The following RABGAP1L variants were observed in gnomAD, a reference collection of about 807,000 sequenced individuals.
The protein encoded by RABGAP1L is RAB GTPase activating protein 1 like.
RABGAP1L carries 63 observed loss-of-function variants against 137.7 expected under a neutral mutation model. That is an observed-to-expected ratio of 0.46 (90% CI 0.37 to 0.56). RABGAP1L has a LOEUF of 0.56. Among genes scored for constraint, RABGAP1L ranks in the 20% least tolerant of loss-of-function variants. The pLI is 0.00. For missense variants in RABGAP1L, 1,095 were observed against 1,244.0 expected (o/e 0.88, Z 1.80); for synonymous variants, 431 against 433.7 (o/e 0.99, Z 0.08).
chr1:174,345,277 T>C (rs888871292), intron 11 of RABGAP1L, among the ~76,000 whole-genome samples: 5 of 152,188 alleles, frequency 3.3e-5, no homozygotes, highest in Non-Finnish European at 7.4e-5. Flanking sequence ...TCTGAGTCTT[T>C]TGTGATTCCA....
intron 18 of RABGAP1L, among the ~76,000 whole-genome samples, chr1:174,758,921 TCTC>T (rs1433635884): frequency 3.3e-5 from 5 of 152,278 alleles, no homozygotes; most frequent in Admixed American, 3.3e-4. Context: ...TTAACTCTCT[TCTC>T]AATATCCCAT....
At chr1:174,625,048 T>A (rs1314087707) in intron 13 of RABGAP1L, among the ~76,000 whole-genome samples, 4 of 151,824 alleles carry the variant, frequency 2.6e-5, no homozygotes, top group African/African-American at 9.7e-5. Context: ...ATTTTTGTAT[T>A]TTTTTAGTAG....
At chr1:174,359,384 A>T (rs540449672) in intron 11 of RABGAP1L, among the ~76,000 whole-genome samples, 2 of 151,846 alleles carry the variant, frequency 1.3e-5, no homozygotes, top group Admixed American at 6.6e-5. Flanking sequence ...AACACTCATG[A>T]TTATTGGTTT....
chr1:174,315,465 T>C (rs1041664965), intron 11 of RABGAP1L, among the ~76,000 whole-genome samples: 2 of 152,184 alleles, frequency 1.3e-5, no homozygotes, highest in African/African-American at 4.8e-5. Context: ...CTGTGTCTTT[T>C]GATTGGAGAG....
chr1:174,847,129 G>A (rs868207578), intron 19 of RABGAP1L, among the ~76,000 whole-genome samples: 5,929 of 146,618 alleles, frequency 0.04, 179 homozygotes, highest in African/African-American at 0.087. Context: ...GTCTCTGCAC[G>A]TGAGATGGGT....
intron 1 of RABGAP1L, among the ~76,000 whole-genome samples, chr1:174,170,333 A>G (rs1008732793): frequency 1.3e-5 from 2 of 152,172 alleles, no homozygotes; most frequent in Non-Finnish European, 2.9e-5. Flanking sequence ...TTATAATATC[A>G]TCTCCAGTTT....
At chr1:174,348,888 T>C (rs1373855020) in intron 11 of RABGAP1L, among the ~76,000 whole-genome samples, 1 of 152,124 alleles carries the variant, frequency 6.6e-6, no homozygotes, top group Non-Finnish European at 1.5e-5. Flanking sequence ...ACCATCCGAT[T>C]TCCCAATCCT....
intron 19 of RABGAP1L, among the ~76,000 whole-genome samples, chr1:174,903,905 G>A (rs981394427): frequency 7.3e-5 from 11 of 150,774 alleles, no homozygotes; most frequent in African/African-American, 2.0e-4. Flanking sequence ...AGCTGAGATC[G>A]CGCCATTGCA....
At chr1:174,638,251 C>T (rs151314649) in intron 14 of RABGAP1L, among the ~76,000 whole-genome samples, 1 of 152,136 alleles carries the variant, frequency 6.6e-6, no homozygotes, top group Admixed American at 6.6e-5. Context: ...GTAATCAGTT[C>T]CTGAATAATC....
chr1:174,367,823 C>A (rs1047989886), intron 11 of RABGAP1L: 8 of 177,682 alleles, frequency 4.5e-5, no homozygotes, highest in African/African-American at 1.9e-4. Flanking sequence ...TTTACCAAAA[C>A]CAGAATTCTG....
chr1:174,923,453 A>AT (rs1662157664), intron 19 of RABGAP1L, among the ~76,000 whole-genome samples: 1 of 152,236 alleles, frequency 6.6e-6, no homozygotes, highest in African/African-American at 2.4e-5. Flanking sequence ...GGTTTTAAAC[A>AT]GTTTATTTCA....
At chr1:174,822,646 A>G (rs907353033) in intron 19 of RABGAP1L, among the ~76,000 whole-genome samples, 22 of 152,220 alleles carry the variant, frequency 1.4e-4, no homozygotes, top group African/African-American at 5.3e-4. Flanking sequence ...GATCCCTTGC[A>G]TGTGCAGTTC....
At chr1:174,384,182 A>T (rs548959661) in intron 12 of RABGAP1L, among the ~76,000 whole-genome samples, 1 of 152,346 alleles carries the variant, frequency 6.6e-6, no homozygotes, top group East Asian at 1.9e-4. Context: ...AAGTGACTTA[A>T]TACTATGTTA....
chr1:174,835,153 C>A (rs1183434151), intron 19 of RABGAP1L, among the ~76,000 whole-genome samples: 1 of 152,100 alleles, frequency 6.6e-6, no homozygotes, highest in Non-Finnish European at 1.5e-5. Context: ...AGGGTTATTC[C>A]TAAGCACCTG....
intron 10 of RABGAP1L, among the ~76,000 whole-genome samples, chr1:174,292,230 T>C (rs972647380): frequency 1.3e-5 from 2 of 150,396 alleles, no homozygotes; most frequent in Non-Finnish European, 3.0e-5. Flanking sequence ...GGGGTGTTGC[T>C]ATGTTGCTCA....
chr1:174,786,896 A>G (rs1160673978), intron 18 of RABGAP1L, among the ~76,000 whole-genome samples: 1 of 152,236 alleles, frequency 6.6e-6, no homozygotes, highest in Non-Finnish European at 1.5e-5. Context: ...CTCAATATGT[A>G]TTTAAATGAT....
intron 19 of RABGAP1L, among the ~76,000 whole-genome samples, chr1:174,929,399 CAGTT>C (rs1663354459): frequency 6.6e-6 from 1 of 152,090 alleles, no homozygotes; most frequent in African/African-American, 2.4e-5. Flanking sequence ...TTGTATTCCT[CAGTT>C]AGGTAAAAAA....
chr1:174,795,790 G>A (rs1347941228), intron 18 of RABGAP1L, among the ~76,000 whole-genome samples: 1 of 152,162 alleles, frequency 6.6e-6, no homozygotes, highest in Non-Finnish European at 1.5e-5. Flanking sequence ...TGCTCAGGCT[G>A]GTCTTGAACT....
intron 10 of RABGAP1L, among the ~76,000 whole-genome samples, chr1:174,304,707 TG>T (rs1328801100): frequency 6.6e-6 from 1 of 152,200 alleles, no homozygotes; most frequent in Non-Finnish European, 1.5e-5. Context: ...CTAGAACCTC[TG>T]GTGTCTCAGG....
Sources: gnomAD v4.1 joint callset for allele counts (sites outside exome capture counted in the v4.1 genomes callset) on GRCh38, gnomAD v4.1.1 for gene constraint, MANE v1.5 for transcripts, NCBI Gene and HGNC (gene_info 2026-07-23, HGNC 2026-07-21) for gene names.